The following AHI1 variants were observed in gnomAD, a reference collection of about 807,000 sequenced individuals.
The protein encoded by AHI1 is jouberin.
Under a neutral mutation model 149.3 loss-of-function variants are expected in AHI1, and 123 were observed. That is an observed-to-expected ratio of 0.82 (90% CI 0.71 to 0.96). The LOEUF (loss-of-function observed/expected upper bound fraction) is 0.96. Ranked by LOEUF, AHI1 falls within the 40% of genes least tolerant of loss-of-function variation. The probability of loss-of-function intolerance (pLI) is 0.00; values close to 1 mark genes in which losing one functional copy is unlikely to be tolerated. For synonymous variants in AHI1, 475 were observed against 459.8 expected (o/e 1.03, Z -0.42); for missense variants, 1,439 against 1,422.7 (o/e 1.01, Z -0.18).
intron 24 of AHI1, 97 bp from the exon 25 acceptor site, chr6:135,323,421 A>G: frequency 1.5e-6 from 2 of 1,343,212 alleles, no homozygotes; most frequent in Non-Finnish European, 2.1e-6. Context: ...AGCTGAAACC[A>G]AAGCAGTACT....
At chr6:135,409,706 C>A (rs1213639813) in intron 21 of AHI1, among the ~76,000 whole-genome samples, 2 of 152,024 alleles carry the variant, frequency 1.3e-5, no homozygotes, top group African/African-American at 4.8e-5. Context: ...TTTTTCTCCC[C>A]CCCATTATAT....
At chr6:135,330,950 TATTTTATAATAAATTAAAGTTCTATAAA>T (rs1788501325) in intron 24 of AHI1, among the ~76,000 whole-genome samples, 1 of 152,252 alleles carries the variant, frequency 6.6e-6, no homozygotes, top group African/African-American at 2.4e-5. Flanking sequence ...ATTATTTCAA[TATTTTATAATAAATTAAAGTTCTATAAA>T]GCAGTTAGGT....
intron 27 of AHI1, among the ~76,000 whole-genome samples, chr6:135,292,857 AGAAAATTGAAGAGGTGG>A (rs1319332865): frequency 1.3e-5 from 2 of 152,230 alleles, no homozygotes; most frequent in Non-Finnish European, 2.9e-5. Context: ...AAACTATTCT[AGAAAATTGAAGAGGTGG>A]GAATACTTCC....
chr6:135,410,834 T>G (rs1047049721), intron 21 of AHI1, among the ~76,000 whole-genome samples: 1 of 152,222 alleles, frequency 6.6e-6, no homozygotes, highest in African/African-American at 2.4e-5. Context: ...GCTTTGCCTT[T>G]ACTTATTTTC....
chr6:135,335,618 A>G (rs1789261436), intron 24 of AHI1, among the ~76,000 whole-genome samples: 1 of 152,134 alleles, frequency 6.6e-6, no homozygotes, highest in Non-Finnish European at 1.5e-5. Flanking sequence ...CAGATATATA[A>G]TATTAAAATA....
intron 8 of AHI1, among the ~76,000 whole-genome samples, chr6:135,461,011 G>GAGTT (rs1789792883): frequency 6.6e-6 from 1 of 150,734 alleles, no homozygotes; most frequent in African/African-American, 2.5e-5. Flanking sequence ...TCAGAACTTA[G>GAGTT]GAAAGATTTC....
At chr6:135,426,470 A>G (rs779675504) in intron 20 of AHI1, among the ~76,000 whole-genome samples, 9 of 151,708 alleles carry the variant, frequency 5.9e-5, no homozygotes, top group Non-Finnish European at 1.2e-4. Context: ...TTAACTTAAT[A>G]CACTTAACTT....
chr6:135,442,391 T>C (rs181884501), intron 14 of AHI1, among the ~76,000 whole-genome samples, 191 bp downstream of exon 14: 2 of 152,242 alleles, frequency 1.3e-5, no homozygotes, highest in Non-Finnish European at 2.9e-5. Flanking sequence ...CTCATTCTAC[T>C]TACGAACAGT....
Position 135,448,405 on chromosome 6 carries a change from T to A in AHI1, c.1511A>T (p.Lys504Met). ...LRLQLYYPPTKPRSPLSVVEA... is the reference protein window; with the variant it reads ...LRLQLYYPPTMPRSPLSVVEA... ...AACAACACTTAATGGGGATCGAGGC[T>A]TAGTAGGTGGGTAATATAGCTGCAA... The change falls in exon 12 of 29, where the codon AAG becomes ATG. Residue 504 changes from lysine to methionine, a missense_variant. Transcript: ENST00000265602. 2 of 1,603,464 alleles carry A rather than the reference T, an allele frequency of 1.2e-6. No individual in the cohort carries two copies. The highest frequency in any genetic ancestry group is 1.1e-5 in the South Asian group (1 of 88,982).
At chr6:135,367,439 CCCT>C (rs1194444726) in intron 23 of AHI1, among the ~76,000 whole-genome samples, 3 of 152,028 alleles carry the variant, frequency 2.0e-5, no homozygotes, top group Admixed American at 6.5e-5. Context: ...CTAGATTATT[CCCT>C]CAAGTATGTT....
At chr6:135,303,455 G>A (rs1406012034) in intron 26 of AHI1, among the ~76,000 whole-genome samples, 1 of 152,104 alleles carries the variant, frequency 6.6e-6, no homozygotes, top group Non-Finnish European at 1.5e-5. Flanking sequence ...AAAAGGATGT[G>A]AGAGAGGAAA....
intron 27 of AHI1, 82 bp downstream of exon 27, chr6:135,300,418 A>G: frequency 7.4e-7 from 1 of 1,344,266 alleles, no homozygotes; most frequent in South Asian, 1.6e-5. Context: ...ATAATGTTAT[A>G]AAAATAAGAA....
At chr6:135,301,148 A>C (rs1783828532) in intron 26 of AHI1, 7 of 984,980 alleles carry the variant, frequency 7.1e-6, no homozygotes, top group Non-Finnish European at 8.4e-6. Context: ...TTCATATTAA[A>C]GTATACTGTG....
chr6:135,370,335 G>T (rs529848210), intron 23 of AHI1, among the ~76,000 whole-genome samples: 1 of 152,298 alleles, frequency 6.6e-6, no homozygotes, highest in South Asian at 2.1e-4. Flanking sequence ...TAAACTTCTA[G>T]AGATTATGGG....
At chr6:135,490,106 G>A in intron 5 of AHI1, 1 of 708,926 alleles carries the variant, frequency 1.4e-6, no homozygotes, top group Non-Finnish European at 2.6e-6. Flanking sequence ...GATTTGCTTA[G>A]TCTTTGAGCA....
chr6:135,441,346 A>G (rs1335974879), intron 14 of AHI1, among the ~76,000 whole-genome samples: 4 of 151,036 alleles, frequency 2.6e-5, no homozygotes, highest in African/African-American at 9.7e-5. Context: ...GACACCACCA[A>G]GAGTACCAAC....
intron 5 of AHI1, among the ~76,000 whole-genome samples, chr6:135,477,741 T>C (rs1792931645): frequency 6.6e-6 from 1 of 152,130 alleles, no homozygotes; most frequent in East Asian, 1.9e-4. Flanking sequence ...GAATATAAAT[T>C]TCCTGAGGTC....
At position 135,355,354 on chromosome 6, in the gene AHI1, G is replaced by GA. The variant is rs111466248; in HGVS notation, c.3165+2777dup. 8.5e-3 allele frequency among the ~76,000 whole-genome samples: 1,148 copies of GA among 134,374 alleles called. 13 individuals are homozygous for GA. The highest frequency in any genetic ancestry group is 0.028 in the African/African-American group (1,036 of 36,466). The allele number at this position is 134,374 out of a possible 152,430, so 88.2% of individuals were successfully genotyped here. On this transcript the variant is annotated intron_variant, in intron 24 of 28. Transcript: ENST00000265602. ...CAAATATGGTACTATTTGTAAGAAA[G>GA]AAAAAAAAAACCCAAACAAAAAAAT...
chr6:135,476,927 T>C (rs1792748810), intron 5 of AHI1, among the ~76,000 whole-genome samples: 1 of 152,198 alleles, frequency 6.6e-6, no homozygotes, highest in Admixed American at 6.5e-5. Context: ...ACTTTCTACT[T>C]TTTATTTGGA....
Sources: gnomAD v4.1 joint callset for allele counts (sites outside exome capture counted in the v4.1 genomes callset) on GRCh38, gnomAD v4.1.1 for gene constraint, MANE v1.5 for transcripts, NCBI Gene and HGNC (gene_info 2026-07-23, HGNC 2026-07-21) for gene names.